Variants in THRB observed in about 807,000 individuals in gnomAD.
THRB encodes the protein thyroid hormone receptor beta.
THRB carries 12 observed loss-of-function variants against 47.8 expected under a neutral mutation model. The observed-to-expected ratio is 0.25, with a 90% CI of 0.16 to 0.41. The LOEUF is 0.41. Ranked by LOEUF, THRB falls within the 10% of genes least tolerant of loss-of-function variation. The pLI, the probability that THRB is intolerant of heterozygous loss-of-function variation, is 1.00. For missense variants in THRB, 348 were observed against 589.2 expected, an observed-to-expected ratio of 0.59 and a Z score of 4.24; for synonymous variants, 218 against 212.2, an observed-to-expected ratio of 1.03 and a Z score of -0.24.
chr3:24,451,597 G>A (rs1290092617), intron 1 of THRB, among the ~76,000 whole-genome samples: 1 of 152,110 alleles, frequency 6.6e-6, no homozygotes, highest in African/African-American at 2.4e-5. Context: ...CCTGGTTCAG[G>A]GACCTCTATT....
At chr3:24,297,153 A>G (rs539759753) in intron 3 of THRB, 73 bp downstream of exon 3, 17 of 152,344 alleles carry the variant, frequency 1.1e-4, no homozygotes, top group African/African-American at 4.1e-4. Flanking sequence ...TGAGTGAGTA[A>G]TAGGAAGCAT....
At chr3:24,279,339 T>C (rs1310629172) in intron 3 of THRB, among the ~76,000 whole-genome samples, 1 of 152,122 alleles carries the variant, frequency 6.6e-6, no homozygotes, top group Non-Finnish European at 1.5e-5. Context: ...AGCTATGGTT[T>C]CTGCAGTCAT....
intron 1 of THRB, among the ~76,000 whole-genome samples, chr3:24,460,744 T>C (rs773469493): frequency 6.6e-6 from 1 of 152,172 alleles, no homozygotes; most frequent in Non-Finnish European, 1.5e-5. Context: ...AAGGTAAAAT[T>C]TGTAAGAAGT....
At position 24,225,130 on chromosome 3, in the gene THRB, G is replaced by C. The variant is rs543668489; in HGVS notation, c.22+3808C>G. Among the ~76,000 whole-genome samples, 6 of 152,254 alleles carry C rather than the reference G, an allele frequency of 3.9e-5. No individual in the cohort carries two copies. In the East Asian group the frequency reaches 1.2e-3, roughly 29 times the overall value. On this transcript the variant is annotated intron_variant, in intron 4 of 10. Transcript: ENST00000646209. ...AGTGGTGAATAAACATGTAAAAAAT[G>C]CTCAACCTCAGTTGTCATAAGGGAA...
chr3:24,405,223 G>T (rs960940709), intron 1 of THRB, among the ~76,000 whole-genome samples: 10 of 151,886 alleles, frequency 6.6e-5, no homozygotes, highest in Admixed American at 2.0e-4. Context: ...TGGAATATAG[G>T]CAGCAAACAT....
intron 1 of THRB, among the ~76,000 whole-genome samples, chr3:24,438,468 G>C (rs1279613120): frequency 6.6e-6 from 1 of 151,856 alleles, no homozygotes; most frequent in Non-Finnish European, 1.5e-5. Flanking sequence ...ATCTCCATAA[G>C]AGTCATGTAG....
chr3:24,270,333 A>C (rs943951719), intron 3 of THRB, among the ~76,000 whole-genome samples: 1 of 152,186 alleles, frequency 6.6e-6, no homozygotes. Context: ...TTGTACTACT[A>C]AACTACCATG....
At chr3:24,309,012 A>G (rs182328017) in intron 2 of THRB, among the ~76,000 whole-genome samples, 45 of 152,230 alleles carry the variant, frequency 3.0e-4, no homozygotes, top group African/African-American at 1.0e-3. Flanking sequence ...CTTTGTCTGG[A>G]AAGCTCTTCC....
At position 24,476,143 on chromosome 3, in the gene THRB, A is replaced by G. The variant is rs545269768; in HGVS notation, c.-261+18509T>C. Among the ~76,000 whole-genome samples, 16 of 152,332 alleles carry G rather than the reference A, an allele frequency of 1.1e-4. No individual in the cohort carries two copies. In the South Asian group the frequency reaches 3.1e-3, roughly 30 times the overall value. ...AAGTACTTCCCTGGAATTGTGTCTC[A>G]GCCTGGCATTAGCACCCTGCTGCAC... is the stretch of plus-strand genomic sequence containing the variant. On this transcript the variant is annotated intron_variant, in intron 1 of 10. Transcript: ENST00000646209.
At chr3:24,213,316 TG>T (rs1374239718) in intron 4 of THRB, among the ~76,000 whole-genome samples, 2 of 152,250 alleles carry the variant, frequency 1.3e-5, no homozygotes, top group East Asian at 3.9e-4. Flanking sequence ...TGAGAAGGGA[TG>T]GGGCTTGACA....
chr3:24,460,640 C>T (rs993933663), intron 1 of THRB, among the ~76,000 whole-genome samples: 1 of 152,132 alleles, frequency 6.6e-6, no homozygotes, highest in African/African-American at 2.4e-5. Flanking sequence ...GAGATTGTAG[C>T]TCCAGAGTTA....
intron 1 of THRB, chr3:24,430,305 T>C (rs951816156): frequency 2.6e-5 from 4 of 152,086 alleles, no homozygotes; most frequent in African/African-American, 7.2e-5. Context: ...TTCCATGACA[T>C]AGACCAAAAG....
chr3:24,161,754 C>T (rs1040812658), intron 5 of THRB, among the ~76,000 whole-genome samples: 5 of 151,872 alleles, frequency 3.3e-5, no homozygotes, highest in African/African-American at 1.2e-4. Context: ...TTTATTCCTG[C>T]ACAATTAAAA....
chr3:24,182,167 C>G (rs1453496963), intron 5 of THRB, among the ~76,000 whole-genome samples: 1 of 152,074 alleles, frequency 6.6e-6, no homozygotes, highest in Non-Finnish European at 1.5e-5. Context: ...CGCCACTGCA[C>G]TCCAGCCTGG....
chr3:24,456,255 A>G (rs1245868012), intron 1 of THRB, among the ~76,000 whole-genome samples: 1 of 150,766 alleles, frequency 6.6e-6, no homozygotes, highest in Non-Finnish European at 1.5e-5. Context: ...GGATTGCTTG[A>G]CCCCAGGAGG....
At chr3:24,372,775 T>A (rs1338394198) in intron 1 of THRB, among the ~76,000 whole-genome samples, 3 of 152,026 alleles carry the variant, frequency 2.0e-5, no homozygotes, top group Admixed American at 6.6e-5. Flanking sequence ...ACACAGTACA[T>A]AGAGCTGGAG....
At chr3:24,251,466 A>C (rs1411222503) in intron 3 of THRB, among the ~76,000 whole-genome samples, 3 of 152,164 alleles carry the variant, frequency 2.0e-5, no homozygotes, top group African/African-American at 7.2e-5. Flanking sequence ...GGAGAAAAAA[A>C]GGGAGAAATA....
intron 1 of THRB, chr3:24,455,069 C>G (rs1339773342): frequency 7.6e-6 from 1 of 131,862 alleles, no homozygotes; most frequent in African/African-American, 2.9e-5. Context: ...TGACCGAGTG[C>G]TTGGTTTGTA....
At chr3:24,246,233 G>C (rs1169311691) in intron 3 of THRB, among the ~76,000 whole-genome samples, 1 of 152,202 alleles carries the variant, frequency 6.6e-6, no homozygotes, top group Non-Finnish European at 1.5e-5. Context: ...GGATAACTGA[G>C]TATTGGGTAC....
Sources: gnomAD v4.1 joint callset for allele counts (sites outside exome capture counted in the v4.1 genomes callset) on GRCh38, gnomAD v4.1.1 for gene constraint, MANE v1.5 for transcripts, NCBI Gene and HGNC (gene_info 2026-07-23, HGNC 2026-07-21) for gene names.